TC2N: variants seen among roughly 807,000 people sequenced by gnomAD.
The protein encoded by TC2N is tandem C2 domains nuclear protein.
TC2N carries 51 observed loss-of-function variants against 61.9 expected under a neutral mutation model. That is an observed-to-expected ratio of 0.82 (90% CI 0.66 to 1.04). The LOEUF (loss-of-function observed/expected upper bound fraction) is 1.04, where lower values mean the gene tolerates loss of function less well. TC2N is among the 50% of genes least tolerant of loss of function. The pLI, the probability that TC2N is intolerant of heterozygous loss-of-function variation, is 0.00. For missense variants in TC2N, 556 were observed against 566.7 expected (o/e 0.98, Z 0.19); for synonymous variants, 204 against 192.6 (o/e 1.06, Z -0.49).
chr14:91,850,281 A>T (rs1383097993), intron 1 of TC2N, among the ~76,000 whole-genome samples: 1 of 152,160 alleles, frequency 6.6e-6, no homozygotes, highest in Non-Finnish European at 1.5e-5. Context: ...GGCCATATTC[A>T]TCTTTGCATT....
At chr14:91,799,215 A>G (rs939177003) in intron 5 of TC2N, 151 bp from the exon 6 acceptor site, 23 of 239,836 alleles carry the variant, frequency 9.6e-5, no homozygotes, top group South Asian at 7.1e-4. Flanking sequence ...AGGTAGTGGA[A>G]AAAAAAAAAA....
intron 6 of TC2N, 71 bp downstream of exon 6, chr14:91,798,918 A>G: frequency 1.0e-6 from 1 of 986,190 alleles, no homozygotes; most frequent in East Asian, 2.5e-5. Context: ...CACCTTATAT[A>G]CACTTTCAAG....
intron 1 of TC2N, among the ~76,000 whole-genome samples, chr14:91,864,777 CTTTTTT>C (rs5810557): frequency 2.8e-5 from 2 of 70,800 alleles, no homozygotes; most frequent in Non-Finnish European, 6.1e-5. Context: ...CTGCCTTCAT[CTTTTTT>C]TTTTTTTTTT....
chr14:91,825,026 C>CTT (rs5810554), intron 1 of TC2N, among the ~76,000 whole-genome samples: 11 of 66,856 alleles, frequency 1.6e-4, no homozygotes, highest in Non-Finnish European at 2.1e-4. Flanking sequence ...TTTTTCTTTT[C>CTT]TTTTTTTTTT....
chr14:91,781,992 A>G lies in TC2N; in HGVS notation c.*1108T>C, dbSNP rs528084997. On this transcript the variant is annotated 3_prime_UTR_variant, in exon 12 of 12. Coordinates refer to ENST00000435962, the MANE Select transcript of TC2N (RefSeq NM_001128596.3). ...AAAAAAGGGAAGACTGAGAACACAGAGCACTTAGTCTACTTATTAGCAAAA... is the reference window on the plus strand; with the variant it reads ...AAAAAAGGGAAGACTGAGAACACAGGGCACTTAGTCTACTTATTAGCAAAA... 5 of 152,198 alleles carry G rather than the reference A, an allele frequency of 3.3e-5. No individual in the cohort carries two copies. In the East Asian group the frequency reaches 9.6e-4, roughly 29 times the overall value. The allele number at this position is 152,198 out of a possible 1,614,324, so 9.4% of individuals were successfully genotyped here. A position where few individuals can be genotyped will look rare whatever the true frequency, so the allele number is the denominator to read the frequency against.
At chr14:91,807,079 C>G (rs1030109341) in intron 3 of TC2N, among the ~76,000 whole-genome samples, 3 of 152,196 alleles carry the variant, frequency 2.0e-5, no homozygotes, top group Non-Finnish European at 2.9e-5. Context: ...CATGGTTGAG[C>G]CTGCAGGTGC....
chr14:91,802,885 T>C (rs1886327916), intron 3 of TC2N, among the ~76,000 whole-genome samples: 1 of 148,712 alleles, frequency 6.7e-6, no homozygotes, highest in African/African-American at 2.5e-5. Flanking sequence ...TGCAATTAAG[T>C]TGGAAATCAA....
rs1421598025 is a variant in TC2N at position 91,781,430 on chromosome 14, T to C, written c.*1670A>G. 1 of 152,134 alleles carries C rather than the reference T, an allele frequency of 6.6e-6. No homozygotes were observed. The highest frequency in any genetic ancestry group is 2.4e-5 in the African/African-American group (1 of 41,444). 9.4% of individuals were successfully genotyped at this position (152,134 alleles called of 1,614,324 possible). On this transcript the variant is annotated 3_prime_UTR_variant, in exon 12 of 12. Coordinates refer to ENST00000435962, the MANE Select transcript of TC2N (RefSeq NM_001128596.3). ...TGTTTCAGAGTAGGTTCATTGATTGTAACAAATGTACCATTGTGGTGCAGG... is the reference window on the plus strand; with the variant it reads ...TGTTTCAGAGTAGGTTCATTGATTGCAACAAATGTACCATTGTGGTGCAGG...
Position 91,812,396 on chromosome 14 carries a change from C to T in TC2N, c.217G>A (p.Val73Ile), listed in dbSNP as rs565871926. Residue 73 changes from valine (V) to isoleucine (I), a missense_variant, in exon 3 of 12, where the codon GTA becomes ATA. Val to Ile is a conservative substitution (Grantham distance 29). Coordinates refer to ENST00000435962, the MANE Select transcript of TC2N (RefSeq NM_001128596.3). ...LSKLPSDGKE[V>I]PFVVPKFKLS... ...TTAAACTTGGGCACCACAAATGGTACTTCTTTGCCATCAGATGGTAATTTG... is the reference window on the plus strand; with the variant it reads ...TTAAACTTGGGCACCACAAATGGTATTTCTTTGCCATCAGATGGTAATTTG... 18 of 1,612,648 alleles carry T rather than the reference C, an allele frequency of 1.1e-5. No homozygotes were observed. The highest frequency in any genetic ancestry group is 1.4e-5 in the Non-Finnish European group (16 of 1,179,204).
chr14:91,827,592 T>C (rs898632262), intron 1 of TC2N, among the ~76,000 whole-genome samples: 1 of 152,180 alleles, frequency 6.6e-6, no homozygotes, highest in Non-Finnish European at 1.5e-5. Flanking sequence ...ACCTGGATAC[T>C]CCATAATCCA....
rs1486032372 is a variant in TC2N, at chr14:91,792,366, C to T, written c.1047+1G>A. The T allele has an allele frequency of 6.3e-7, 1 of 1,582,168 alleles. No homozygotes were observed. The highest frequency in any genetic ancestry group is 8.6e-7 in the Non-Finnish European group (1 of 1,162,498). ...ACTCTTAACATACTATTATCGCTTACAGAAATTTTTGAAGGTGGTGTTATA... is the reference window on the plus strand; with the variant it reads ...ACTCTTAACATACTATTATCGCTTATAGAAATTTTTGAAGGTGGTGTTATA... On this transcript the variant is annotated splice_donor_variant, in intron 9 of 11. Transcript: ENST00000435962. LOFTEE classifies it high-confidence loss of function.
At chr14:91,828,506 TACC>T (rs879350410) in intron 1 of TC2N, among the ~76,000 whole-genome samples, 1 of 151,996 alleles carries the variant, frequency 6.6e-6, no homozygotes, top group African/African-American at 2.4e-5. Context: ...GCAACTACAG[TACC>T]ATCACACTTT....
At chr14:91,843,804 C>A (rs961792608) in intron 1 of TC2N, among the ~76,000 whole-genome samples, 5 of 152,114 alleles carry the variant, frequency 3.3e-5, no homozygotes, top group Non-Finnish European at 7.4e-5. Context: ...TAGTTAAGAC[C>A]TTTGGTTTAT....
intron 1 of TC2N, among the ~76,000 whole-genome samples, chr14:91,825,037 T>C (rs898377071): frequency 4.5e-4 from 57 of 126,354 alleles, no homozygotes; most frequent in African/African-American, 1.2e-3. Context: ...TTTTTTTTTT[T>C]TTTTTTTTTT....
intron 1 of TC2N, among the ~76,000 whole-genome samples, chr14:91,831,843 G>A (rs1887784586): frequency 6.6e-6 from 1 of 152,086 alleles, no homozygotes; most frequent in Admixed American, 6.5e-5. Flanking sequence ...GCTTTTAGTA[G>A]AAAATATCAG....
At chr14:91,803,601 C>T (rs974186690) in intron 3 of TC2N, among the ~76,000 whole-genome samples, 16 of 151,524 alleles carry the variant, frequency 1.1e-4, no homozygotes, top group African/African-American at 3.6e-4. Context: ...TACAGGCACA[C>T]GCCACCACGC....
At position 91,783,183 on chromosome 14, in the gene TC2N, T is replaced by G; in HGVS notation, c.1390A>C (p.Ile464Leu). ...TCTTTCCACTGGTTCACTGCTTCAA[T>G]GTTATTACTGTCTTCACTTATCCAA... is the stretch of plus-strand genomic sequence containing the variant. Reference protein sequence around the residue: ...QIWISEDSNNIEAVNQWKETV... With the variant: ...QIWISEDSNNLEAVNQWKETV... Residue 464 changes from isoleucine to leucine, a missense_variant, in exon 12 of 12, where the codon ATT becomes CTT. Physicochemically the swap from Ile to Leu is conservative, Grantham distance 5 (BLOSUM62 2). Coordinates refer to ENST00000435962, the MANE Select transcript of TC2N (RefSeq NM_001128596.3). The G allele has an allele frequency of 6.2e-7, 1 of 1,610,138 alleles. No individual in the cohort carries two copies. The highest frequency in any genetic ancestry group is 1.3e-5 in the African/African-American group (1 of 74,916).
intron 8 of TC2N, among the ~76,000 whole-genome samples, chr14:91,793,614 A>G (rs1885761966): frequency 6.6e-6 from 1 of 152,068 alleles, no homozygotes; most frequent in South Asian, 2.1e-4. Flanking sequence ...GTGATCAGTG[A>G]TCTTTGATAT....
intron 8 of TC2N, among the ~76,000 whole-genome samples, chr14:91,793,394 G>A (rs966859164): frequency 3.9e-5 from 6 of 152,110 alleles, no homozygotes; most frequent in Non-Finnish European, 8.8e-5. Context: ...TTGAATACAG[G>A]CATACCTCAT....
Sources: allele counts gnomAD v4.1 joint callset (sites outside exome capture counted in the v4.1 genomes callset), GRCh38; gene constraint gnomAD v4.1.1; transcripts MANE v1.5; gene names NCBI Gene and HGNC (gene_info 2026-07-23, HGNC 2026-07-21).